The following LRRC7 variants were observed in gnomAD, a reference collection of about 807,000 sequenced individuals.
LRRC7 encodes the protein leucine rich repeat containing 7.
A neutral mutation model predicts 175.7 loss-of-function variants in LRRC7; 23 were observed. The observed-to-expected ratio is 0.13, with a 90% CI of 0.09 to 0.19. The LOEUF (loss-of-function observed/expected upper bound fraction) is 0.19, where lower values mean the gene tolerates loss of function less well. Ranked by LOEUF, LRRC7 falls within the 10% of genes least tolerant of loss-of-function variation. The pLI is 1.00. For synonymous variants in LRRC7, 685 were observed against 680.9 expected (o/e 1.01, Z -0.09); for missense variants, 1,354 against 1,904.7 (o/e 0.71, Z 5.38).
intron 3 of LRRC7, among the ~76,000 whole-genome samples, chr1:69,788,315 A>G (rs1674723624): frequency 6.6e-6 from 1 of 152,196 alleles, no homozygotes; most frequent in African/African-American, 2.4e-5. Flanking sequence ...AATTACAATC[A>G]GAGCTCATTT....
intron 2 of LRRC7, among the ~76,000 whole-genome samples, chr1:69,718,172 G>GAA (rs762929332): frequency 7.0e-6 from 1 of 142,892 alleles, no homozygotes; most frequent in Non-Finnish European, 1.5e-5. Flanking sequence ...AAGAAAGAAA[G>GAA]AAGAAAAGAA....
intron 13 of LRRC7, 70 bp downstream of exon 13, chr1:70,013,159 T>A: frequency 1.2e-6 from 1 of 856,276 alleles, no homozygotes; most frequent in Non-Finnish European, 1.8e-6. Context: ...TTTTTGCCTA[T>A]AGTTTTGATA....
At chr1:69,613,518 G>A (rs780102430) in intron 1 of LRRC7, among the ~76,000 whole-genome samples, 4 of 151,880 alleles carry the variant, frequency 2.6e-5, no homozygotes, top group African/African-American at 4.8e-5. Flanking sequence ...AAATGATACC[G>A]CTGAATGCTC....
At chr1:69,741,418 G>A (rs879247447) in intron 2 of LRRC7, among the ~76,000 whole-genome samples, 4 of 151,640 alleles carry the variant, frequency 2.6e-5, no homozygotes, top group Admixed American at 1.3e-4. Context: ...AATCTAAGAC[G>A]TGAAATAGTA....
chr1:70,039,141 A>G lies in LRRC7; in HGVS notation c.3317A>G (p.Lys1106Arg). 6.2e-7 allele frequency: 1 copy of G among 1,614,174 alleles called. No individual in the cohort carries two copies. The highest frequency in any genetic ancestry group is 1.3e-5 in the African/African-American group (1 of 75,064). Residue 1106 changes from lysine (K) to arginine (R), a missense_variant, in exon 21 of 27, where the codon AAG (lysine) becomes AGG (arginine). Coordinates refer to ENST00000651989, the MANE Select transcript of LRRC7 (RefSeq NM_001370785.2). ...YVQQASKNIA[K>R]DLISPRAYRG... Reference sequence around the variant, plus strand: ...CAACAGGCCAGCAAAAACATCGCCAAGGATTTGATTAGTCCTAGAGCTTAC... The same window carrying G: ...CAACAGGCCAGCAAAAACATCGCCAGGGATTTGATTAGTCCTAGAGCTTAC...
At chr1:69,729,959 A>G (rs1022429198) in intron 2 of LRRC7, among the ~76,000 whole-genome samples, 6 of 152,142 alleles carry the variant, frequency 3.9e-5, no homozygotes, top group African/African-American at 1.4e-4. Flanking sequence ...TCAATTCTTG[A>G]CTTCTAGGCA....
chr1:69,751,734 G>A (rs898077792), intron 2 of LRRC7, among the ~76,000 whole-genome samples: 5 of 152,116 alleles, frequency 3.3e-5, no homozygotes, highest in African/African-American at 7.2e-5. Context: ...GTCAGGAGAC[G>A]AAAATTCCTG....
At chr1:69,576,775 G>A (rs917570340) in intron 1 of LRRC7, among the ~76,000 whole-genome samples, 3 of 151,890 alleles carry the variant, frequency 2.0e-5, no homozygotes, top group Admixed American at 2.0e-4. Context: ...GAGGCTCGTG[G>A]GTGTGATGGA....
Position 70,121,875 on chromosome 1 carries a change from G to A in LRRC7, c.4716G>A (p.Glu1572=), listed in dbSNP as rs372141390. The A allele has an allele frequency of 1.3e-5, 20 of 1,598,972 alleles. No individual in the cohort carries two copies. Among genetic ancestry groups the A allele is most frequent in the Non-Finnish European group, 1.5e-5 (18 of 1,167,382 alleles). The change falls in exon 27 of 27, where the codon GAG becomes GAA. Residue 1572 remains glutamate (E), a synonymous_variant. Coordinates refer to ENST00000651989, the MANE Select transcript of LRRC7 (RefSeq NM_001370785.2). The stretch of plus-strand genomic sequence containing the variant: ...CAGTAGACCTAGTTATTCAACGTGA[G>A]CTTACTGTCTAAATATTTTTTATAA... ...QNTVDLVIQR[E]LTV is the part of the protein sequence containing the mutation.
intron 25 of LRRC7, among the ~76,000 whole-genome samples, chr1:70,101,010 C>T (rs545855617): frequency 1.3e-5 from 2 of 152,138 alleles, no homozygotes; most frequent in South Asian, 4.2e-4. Flanking sequence ...GTCAAGTGTT[C>T]TAATAATCAT....
chr1:69,918,948 C>T (rs1020939076), intron 7 of LRRC7, among the ~76,000 whole-genome samples: 25 of 152,030 alleles, frequency 1.6e-4, no homozygotes, highest in Non-Finnish European at 2.9e-4. Context: ...TAGTAGGAAG[C>T]TATATTATAA....
At chr1:70,097,693 T>C (rs1220786858) in intron 25 of LRRC7, among the ~76,000 whole-genome samples, 4 of 150,046 alleles carry the variant, frequency 2.7e-5, no homozygotes, top group African/African-American at 7.3e-5. Context: ...TTCCCACCTA[T>C]GAGTGAGAAT....
At chr1:69,859,464 A>G (rs1364165746) in intron 7 of LRRC7, among the ~76,000 whole-genome samples, 1 of 152,088 alleles carries the variant, frequency 6.6e-6, no homozygotes, top group Non-Finnish European at 1.5e-5. Flanking sequence ...CCAAAATCCA[A>G]TATGCCATTG....
chr1:69,856,771 G>A (rs1393436043), intron 7 of LRRC7, among the ~76,000 whole-genome samples: 2 of 152,130 alleles, frequency 1.3e-5, no homozygotes. Context: ...TATGAGGCCA[G>A]CATCATCCTG....
Position 69,609,936 on chromosome 1 carries a change from T to C in LRRC7, c.2+41295T>C, listed in dbSNP as rs1434054681. On this transcript the variant is annotated intron_variant, in intron 1 of 26. Transcript: ENST00000651989. Reference sequence around the variant, plus strand: ...ATTTATAACCAAAAAGTAGAAAGAATGTTAAAATGGACCCACTATGTCCAA... The same window carrying C: ...ATTTATAACCAAAAAGTAGAAAGAACGTTAAAATGGACCCACTATGTCCAA... 3.3e-5 allele frequency among the ~76,000 whole-genome samples: 5 copies of C among 152,072 alleles called. No individual in the cohort carries two copies. In the South Asian group the frequency reaches 8.3e-4, roughly 25 times the overall value.
At chr1:69,928,704 G>A (rs898095547) in intron 7 of LRRC7, among the ~76,000 whole-genome samples, 10 of 152,310 alleles carry the variant, frequency 6.6e-5, no homozygotes, top group South Asian at 2.1e-4. Context: ...TCCAGGTGCC[G>A]TCTGTCACCC....
rs755109636 is a variant in LRRC7, at chr1:70,131,442, C to T, written c.*9555C>T. On this transcript the variant is annotated 3_prime_UTR_variant, in exon 27 of 27. Coordinates refer to ENST00000651989, the MANE Select transcript of LRRC7 (RefSeq NM_001370785.2). ...TCCTAGCTTTCTCACAAAACTATTT[C>T]CCATGTCTTTCTATTTGGGTTTCAT... Among the ~76,000 whole-genome samples, 12 of 152,144 alleles carry T rather than the reference C, an allele frequency of 7.9e-5. No homozygotes were observed. The highest frequency in any genetic ancestry group is 1.8e-4 in the Non-Finnish European group (12 of 68,020).
At chr1:69,780,373 G>A (rs1673347460) in intron 3 of LRRC7, among the ~76,000 whole-genome samples, 1 of 152,148 alleles carries the variant, frequency 6.6e-6, no homozygotes. Context: ...GTATACGTGA[G>A]GAAGGGGATT....
At chr1:69,768,678 A>G (rs1218660312) in intron 3 of LRRC7, among the ~76,000 whole-genome samples, 1 of 152,196 alleles carries the variant, frequency 6.6e-6, no homozygotes, top group Non-Finnish European at 1.5e-5. Flanking sequence ...GTTAGAGCAT[A>G]TCTGCATATG....
Sources: allele counts gnomAD v4.1 joint callset (sites outside exome capture counted in the v4.1 genomes callset), GRCh38; gene constraint gnomAD v4.1.1; transcripts MANE v1.5; gene names NCBI Gene and HGNC (gene_info 2026-07-23, HGNC 2026-07-21).